Variants in HS6ST3 observed in about 807,000 individuals in gnomAD.
The protein encoded by HS6ST3 is heparan sulfate 6-O-sulfotransferase 3.
HS6ST3 carries 12 observed loss-of-function variants against 36.7 expected under a neutral mutation model. That is an observed-to-expected ratio of 0.33 (90% CI 0.21 to 0.53). The LOEUF (loss-of-function observed/expected upper bound fraction) is 0.53, where lower values mean the gene tolerates loss of function less well. Ranked by LOEUF, HS6ST3 falls within the 20% of genes least tolerant of loss-of-function variation. HS6ST3 has a pLI of 0.95. For synonymous variants in HS6ST3, 240 were observed against 257.5 expected, an observed-to-expected ratio of 0.93 and a Z score of 0.65; for missense variants, 584 against 640.9, an observed-to-expected ratio of 0.91 and a Z score of 0.96.
intron 1 of HS6ST3, among the ~76,000 whole-genome samples, chr13:96,393,086 C>T (rs2055404271): frequency 6.6e-6 from 1 of 152,106 alleles, no homozygotes; most frequent in Admixed American, 6.6e-5. Flanking sequence ...AGGGGAAGCC[C>T]CTTTCACTTG....
Position 96,166,850 on chromosome 13 carries a change from G to A in HS6ST3, c.707+75281G>A, listed in dbSNP as rs1480566462. Among the ~76,000 whole-genome samples, 3 of 152,104 alleles carry A rather than the reference G, an allele frequency of 2.0e-5. No homozygotes were observed. The East Asian group carries it at 5.8e-4, about 29-fold the overall frequency. On this transcript the variant is annotated intron_variant, in intron 1 of 1. Transcript: ENST00000376705. ...ACCAGTGGGAGGTAACTGAATCATGGGGGTGGTTTCTGCCATGCTGTTCTC... is the reference window on the plus strand; with the variant it reads ...ACCAGTGGGAGGTAACTGAATCATGAGGGTGGTTTCTGCCATGCTGTTCTC...
At chr13:96,824,349 G>A (rs887206930) in intron 1 of HS6ST3, among the ~76,000 whole-genome samples, 2 of 152,186 alleles carry the variant, frequency 1.3e-5, no homozygotes, top group Admixed American at 6.5e-5. Flanking sequence ...GGAACCAATC[G>A]CTGTGACACA....
At chr13:96,450,625 G>T (rs2055723042) in intron 1 of HS6ST3, among the ~76,000 whole-genome samples, 1 of 152,128 alleles carries the variant, frequency 6.6e-6, no homozygotes, top group Non-Finnish European at 1.5e-5. Context: ...TGAGATGATT[G>T]TCTTGAGCAT....
chr13:96,405,105 C>A (rs1220202735), intron 1 of HS6ST3, among the ~76,000 whole-genome samples: 1 of 152,164 alleles, frequency 6.6e-6, no homozygotes, highest in Non-Finnish European at 1.5e-5. Context: ...AAACCTCTTT[C>A]TTTTGTAAAT....
intron 1 of HS6ST3, among the ~76,000 whole-genome samples, chr13:96,380,695 TAAAG>T: frequency 6.6e-6 from 1 of 152,322 alleles, no homozygotes; most frequent in Admixed American, 6.5e-5. Context: ...AGCCGCTAAA[TAAAG>T]AAATAGTTTT....
intron 1 of HS6ST3, among the ~76,000 whole-genome samples, chr13:96,386,505 A>C (rs1240545349): frequency 6.6e-6 from 1 of 152,128 alleles, no homozygotes; most frequent in Non-Finnish European, 1.5e-5. Context: ...TTGACAACTA[A>C]AAATTGTATA....
At chr13:96,777,201 A>G (rs1037210915) in intron 1 of HS6ST3, among the ~76,000 whole-genome samples, 1 of 152,220 alleles carries the variant, frequency 6.6e-6, no homozygotes, top group Admixed American at 6.5e-5. Flanking sequence ...TCAAAACAAT[A>G]AGGGCTATTC....
chr13:96,553,835 A>C (rs1406741611), intron 1 of HS6ST3, among the ~76,000 whole-genome samples: 1 of 152,238 alleles, frequency 6.6e-6, no homozygotes, highest in African/African-American at 2.4e-5. Context: ...ATGTCAGAAC[A>C]CATGTGCAAT....
chr13:96,379,350 G>T (rs2055329557), intron 1 of HS6ST3, among the ~76,000 whole-genome samples: 1 of 152,170 alleles, frequency 6.6e-6, no homozygotes, highest in African/African-American at 2.4e-5. Flanking sequence ...GATGTGACTA[G>T]TGTTCTTCTA....
chr13:96,302,875 A>G (rs1257363937), intron 1 of HS6ST3, among the ~76,000 whole-genome samples: 2 of 152,176 alleles, frequency 1.3e-5, no homozygotes, highest in African/African-American at 2.4e-5. Context: ...ATTTTATCCT[A>G]GAACAGGAGT....
chr13:96,534,063 A>C (rs1451558523), intron 1 of HS6ST3, among the ~76,000 whole-genome samples: 6 of 152,142 alleles, frequency 3.9e-5, no homozygotes, highest in Non-Finnish European at 8.8e-5. Flanking sequence ...AGCATCACAC[A>C]TTATTCCTCC....
chr13:96,401,219 T>G (rs551762223), intron 1 of HS6ST3, among the ~76,000 whole-genome samples: 4 of 152,278 alleles, frequency 2.6e-5, no homozygotes. Flanking sequence ...AAAAGACCAA[T>G]CTTTGTTACT....
At chr13:96,402,831 ATTGT>A (rs1282618343) in intron 1 of HS6ST3, among the ~76,000 whole-genome samples, 2 of 152,308 alleles carry the variant, frequency 1.3e-5, no homozygotes, top group East Asian at 3.9e-4. Context: ...GAACATGTAG[ATTGT>A]TTGCAGTTGG....
intron 1 of HS6ST3, among the ~76,000 whole-genome samples, chr13:96,669,510 G>C (rs1229680281): frequency 2.0e-5 from 3 of 152,150 alleles, no homozygotes; most frequent in Non-Finnish European, 4.4e-5. Flanking sequence ...ATTGAGGAAG[G>C]CTTCCTTTAA....
rs559638075 is a variant in HS6ST3, at chr13:96,107,807, T to C, written c.707+16238T>C. Among the ~76,000 whole-genome samples, 10 of 152,352 alleles carry C rather than the reference T, an allele frequency of 6.6e-5. 1 individual carries two copies. The highest frequency in any genetic ancestry group is 1.9e-4 in the African/African-American group (8 of 41,592). On this transcript the variant is annotated intron_variant, in intron 1 of 1. Coordinates refer to ENST00000376705, the MANE Select transcript of HS6ST3 (RefSeq NM_153456.4). ...ATAAATTATGAAGATTTTGTGGACATTTATCACTTCCCCAATCAATACTCT... is the reference window on the plus strand; with the variant it reads ...ATAAATTATGAAGATTTTGTGGACACTTATCACTTCCCCAATCAATACTCT...
chr13:96,503,827 T>A (rs1291999778), intron 1 of HS6ST3, among the ~76,000 whole-genome samples: 1 of 152,148 alleles, frequency 6.6e-6, no homozygotes, highest in Non-Finnish European at 1.5e-5. Flanking sequence ...TAGACTGGGG[T>A]GCTTAAACAA....
intron 1 of HS6ST3, among the ~76,000 whole-genome samples, chr13:96,560,984 A>G (rs1201621089): frequency 1.3e-5 from 2 of 152,170 alleles, no homozygotes; most frequent in Admixed American, 6.6e-5. Context: ...CTACAGATTC[A>G]ACACTATTTC....
At chr13:96,136,804 A>G (rs1315744532) in intron 1 of HS6ST3, among the ~76,000 whole-genome samples, 1 of 151,428 alleles carries the variant, frequency 6.6e-6, no homozygotes, top group Non-Finnish European at 1.5e-5. Flanking sequence ...TGCATTTGCA[A>G]TGAGTTTCTT....
chr13:96,654,591 G>A (rs146644760), intron 1 of HS6ST3, among the ~76,000 whole-genome samples: 190 of 152,078 alleles, frequency 1.2e-3, no homozygotes, highest in South Asian at 9.1e-3. Flanking sequence ...TACCAGTACC[G>A]TGCTGTTTTT....
Sources: allele counts gnomAD v4.1 joint callset (sites outside exome capture counted in the v4.1 genomes callset), GRCh38; gene constraint gnomAD v4.1.1; transcripts MANE v1.5; gene names NCBI Gene and HGNC (gene_info 2026-07-23, HGNC 2026-07-21).